Variants in CMC1 observed in about 807,000 individuals in gnomAD.
The protein encoded by CMC1 is COX assembly mitochondrial protein homolog.
A neutral mutation model predicts 14.1 loss-of-function variants in CMC1; 14 were observed. That is an observed-to-expected ratio of 0.99 (90% CI 0.66 to 1.55). The LOEUF is 1.55. CMC1 is among the 40% of genes most tolerant of loss of function. The probability of loss-of-function intolerance (pLI) is 0.00; values close to 1 mark genes in which losing one functional copy is unlikely to be tolerated. For synonymous variants in CMC1, 50 were observed against 38.4 expected, an observed-to-expected ratio of 1.30 and a Z score of -1.12; for missense variants, 127 against 123.8, an observed-to-expected ratio of 1.03 and a Z score of -0.12.
At chr3:28,298,052 A>G (rs1701834550) in intron 2 of CMC1, among the ~76,000 whole-genome samples, 1 of 151,910 alleles carries the variant, frequency 6.6e-6, no homozygotes, top group Non-Finnish European at 1.5e-5. Context: ...AAGGTAAAGA[A>G]TATTCTTTTG....
At chr3:28,304,149 G>A (rs569569512) in intron 2 of CMC1, among the ~76,000 whole-genome samples, 396 of 152,058 alleles carry the variant, frequency 2.6e-3, no homozygotes, top group Non-Finnish European at 4.8e-3. Flanking sequence ...TTATGCAGTC[G>A]CATTAGCCAC....
intron 2 of CMC1, 111 bp from the exon 3 acceptor site, chr3:28,316,222 A>G: frequency 1.7e-6 from 1 of 584,388 alleles, no homozygotes. Flanking sequence ...ACTGCACTCC[A>G]GCCTGGGTGA....
rs1702924404 is a variant in CMC1 at position 28,316,427 on chromosome 3, A to C, written c.200+4A>C. 3 of 1,558,954 alleles carry C rather than the reference A, an allele frequency of 1.9e-6. No individual in the cohort carries two copies. The highest frequency in any genetic ancestry group is 1.8e-6 in the Non-Finnish European group (2 of 1,142,508). On this transcript the variant is annotated splice_donor_region_variant and intron_variant, in intron 3 of 3. Coordinates refer to ENST00000466830, the MANE Select transcript of CMC1 (RefSeq NM_182523.2). The stretch of plus-strand genomic sequence containing the variant: ...TGAAAGAATGTCTAACTGCTTAGTA[A>C]GTAGTTGTCTCAGCGTTTGTGCTTG...
At chr3:28,312,471 CTA>C (rs1413332064) in intron 2 of CMC1, among the ~76,000 whole-genome samples, 3 of 152,186 alleles carry the variant, frequency 2.0e-5, no homozygotes, top group Admixed American at 6.6e-5. Context: ...TTGAAACTGA[CTA>C]TGTGCAGAGA....
intron 2 of CMC1, among the ~76,000 whole-genome samples, chr3:28,267,925 A>G (rs1048862124): frequency 1.3e-5 from 2 of 152,074 alleles, no homozygotes; most frequent in African/African-American, 4.8e-5. Context: ...CTGCCTTTTT[A>G]TTTGTTGTTT....
intron 2 of CMC1, among the ~76,000 whole-genome samples, chr3:28,310,976 A>G (rs998124335): frequency 6.6e-6 from 1 of 152,196 alleles, no homozygotes; most frequent in African/African-American, 2.4e-5. Flanking sequence ...CTCAGGCAGT[A>G]ATGCTCCCTC....
intron 2 of CMC1, among the ~76,000 whole-genome samples, chr3:28,288,050 C>T (rs1479545143): frequency 6.6e-6 from 1 of 151,832 alleles, no homozygotes; most frequent in Admixed American, 6.6e-5. Flanking sequence ...CTTGTGGATA[C>T]CACATACGAC....
At chr3:28,300,251 T>C (rs551373554) in intron 2 of CMC1, among the ~76,000 whole-genome samples, 57 of 152,340 alleles carry the variant, frequency 3.7e-4, no homozygotes, top group African/African-American at 1.3e-3. Flanking sequence ...ACTGGAATAC[T>C]GTTTTTTGCT....
At chr3:28,271,081 C>T (rs1419718539) in intron 2 of CMC1, among the ~76,000 whole-genome samples, 1 of 151,886 alleles carries the variant, frequency 6.6e-6, no homozygotes, top group African/African-American at 2.4e-5. Context: ...CAGGCATGTG[C>T]CACCATACTC....
At chr3:28,258,609 T>A (rs1029757645) in intron 1 of CMC1, among the ~76,000 whole-genome samples, 8 of 150,486 alleles carry the variant, frequency 5.3e-5, no homozygotes, top group African/African-American at 2.0e-4. Context: ...TGGAAGTATT[T>A]CTGGATTTTT....
Position 28,319,518 on chromosome 3 carries a change from T to G in CMC1, c.210T>G (p.Asp70Glu), listed in dbSNP as rs1381903742. ...CATTTCCTTCTCATAGCTATAATGA[T>G]CCAGCCTTTTATGAAGAATGCAAAA... ...LKECLTAYYN[D>E]PAFYEECKME... The change falls in exon 4 of 4, where the codon GAT (aspartate) becomes GAG (glutamate). Residue 70 changes from aspartate (D) to glutamate (E), a missense_variant. By Grantham distance (45) the Asp-to-Glu change is conservative (BLOSUM62 2). Coordinates refer to ENST00000466830, the MANE Select transcript of CMC1 (RefSeq NM_182523.2). The G allele has an allele frequency of 1.9e-6, 3 of 1,599,612 alleles. No homozygotes were observed. Among genetic ancestry groups the G allele is most frequent in the South Asian group, 2.2e-5 (2 of 89,656 alleles).
rs140687082 is a variant in CMC1 at position 28,310,506 on chromosome 3, T to A, written c.110-5827T>A. ...TGGACAGTGTCTATTATAAACACAA[T>A]AAATATTAGCTATTGTTGCTATCAT... On this transcript the variant is annotated intron_variant, in intron 2 of 3. Transcript: ENST00000466830. Among the ~76,000 whole-genome samples, 635 of 152,344 alleles carry A rather than the reference T, an allele frequency of 4.2e-3. 10 individuals are homozygous for A. The highest frequency in any genetic ancestry group is 0.015 in the African/African-American group (610 of 41,580).
intron 2 of CMC1, among the ~76,000 whole-genome samples, chr3:28,308,568 C>T (rs991807986): frequency 1.3e-5 from 2 of 152,036 alleles, no homozygotes; most frequent in Admixed American, 6.5e-5. Flanking sequence ...ATCAAATGAT[C>T]CTAGTTGATA....
rs1955312 is a variant in CMC1, at chr3:28,249,444, T to C, written c.19+7632T>C. On this transcript the variant is annotated intron_variant, in intron 1 of 3. Coordinates refer to ENST00000466830, the MANE Select transcript of CMC1 (RefSeq NM_182523.2). Reference sequence around the variant, plus strand: ...ACAGTTAAAACAATTTTATTGCATATTTACCATATGCTAGGAGTTAGAGGG... The same window carrying C: ...ACAGTTAAAACAATTTTATTGCATACTTACCATATGCTAGGAGTTAGAGGG... Among the ~76,000 whole-genome samples, 970 of 152,348 alleles carry C rather than the reference T, an allele frequency of 6.4e-3. 8 individuals carry two copies. The highest frequency in any genetic ancestry group is 0.022 in the African/African-American group (918 of 41,580).
At chr3:28,283,541 AC>A (rs1701006987) in intron 2 of CMC1, among the ~76,000 whole-genome samples, 2 of 110,522 alleles carry the variant, frequency 1.8e-5, no homozygotes, top group South Asian at 2.5e-4. Context: ...AACAACAACA[AC>A]AACAAAAACA....
chr3:28,289,921 A>G (rs1341591972), intron 2 of CMC1, among the ~76,000 whole-genome samples: 1 of 152,138 alleles, frequency 6.6e-6, no homozygotes, highest in Non-Finnish European at 1.5e-5. Flanking sequence ...TATATACACT[A>G]CTTTTTTAGT....
At chr3:28,309,478 G>C (rs17638991) in intron 2 of CMC1, among the ~76,000 whole-genome samples, 34,594 of 151,678 alleles carry the variant, frequency 0.23, 4,343 homozygotes, top group Middle Eastern at 0.29. Context: ...TCCTTGACTC[G>C]TCCTTCTATT....
At chr3:28,284,500 A>C (rs1323967760) in intron 2 of CMC1, among the ~76,000 whole-genome samples, 1 of 152,200 alleles carries the variant, frequency 6.6e-6, no homozygotes, top group African/African-American at 2.4e-5. Flanking sequence ...TTCTCTCCAC[A>C]GAGAGATAAT....
intron 1 of CMC1, chr3:28,253,694 A>C: frequency 1.7e-6 from 2 of 1,201,606 alleles, no homozygotes; most frequent in Non-Finnish European, 2.2e-6. Flanking sequence ...ACACTGTTGC[A>C]AGTTTATTAC....
Sources: allele counts gnomAD v4.1 joint callset (sites outside exome capture counted in the v4.1 genomes callset), GRCh38; gene constraint gnomAD v4.1.1; transcripts MANE v1.5; gene names NCBI Gene and HGNC (gene_info 2026-07-23, HGNC 2026-07-21).